Variants in ZNF487 observed in about 807,000 individuals in gnomAD.
ZNF487 encodes KRAB domain only 1.
A neutral mutation model predicts 3.0 loss-of-function variants in ZNF487; 4 were observed. The observed-to-expected ratio is 1.35, with a 90% CI of 0.66 to 3.08. The LOEUF is 3.08. ZNF487 is among the 30% of genes most tolerant of loss of function. ZNF487 has a pLI of 0.01. For synonymous variants in ZNF487, 55 were observed against 34.6 expected, an observed-to-expected ratio of 1.59 and a Z score of -2.06; for missense variants, 146 against 98.7, an observed-to-expected ratio of 1.48 and a Z score of -2.03.
At chr10:43,455,849 G>A (rs1260626103) in intron 1 of ZNF487, among the ~76,000 whole-genome samples, 1 of 152,250 alleles carries the variant, frequency 6.6e-6, no homozygotes, top group African/African-American at 2.4e-5. Flanking sequence ...ACGCCACTGC[G>A]CGCCCTAGTG....
chr10:43,498,099 AT>A, the ZNF487 span, among the ~76,000 whole-genome samples: 368 of 20,120 alleles, frequency 0.018, 4 homozygotes, highest in Admixed American at 0.023. Context: ...ATATATATAT[AT>A]TTTTTTTTTT....
At chr10:43,450,472 C>T (rs1309783408) in intron 1 of ZNF487, among the ~76,000 whole-genome samples, 4 of 152,170 alleles carry the variant, frequency 2.6e-5, no homozygotes, top group Non-Finnish European at 5.9e-5. Context: ...GCTGCCTCAG[C>T]CTCCTGAGTA....
intron 1 of ZNF487, among the ~76,000 whole-genome samples, chr10:43,446,265 C>T (rs567872619): frequency 7.7e-4 from 116 of 150,174 alleles, no homozygotes; most frequent in South Asian, 1.7e-3. Flanking sequence ...CAGGCAGAGG[C>T]GCCACCCACC....
chr10:43,517,753 C>T, the ZNF487 span, among the ~76,000 whole-genome samples: 1 of 152,160 alleles, frequency 6.6e-6, no homozygotes, highest in Non-Finnish European at 1.5e-5. Flanking sequence ...TAGGATGGAG[C>T]CACACCCGAG....
At chr10:43,475,344 C>T (rs1317542675) in intron 1 of ZNF487, among the ~76,000 whole-genome samples, 3 of 151,952 alleles carry the variant, frequency 2.0e-5, no homozygotes, top group African/African-American at 7.3e-5. Flanking sequence ...CATGGTGAGA[C>T]CTTGTCTCTA....
chr10:43,454,823 C>T (rs1181893205), intron 1 of ZNF487, among the ~76,000 whole-genome samples: 2 of 150,724 alleles, frequency 1.3e-5, no homozygotes, highest in Non-Finnish European at 2.9e-5. Context: ...CTTGATTATG[C>T]AGGGAGTGAA....
At chr10:43,492,097 C>T in the ZNF487 span, among the ~76,000 whole-genome samples, 1 of 151,656 alleles carries the variant, frequency 6.6e-6, no homozygotes. Context: ...CTGCCACATC[C>T]CGCCATGAGC....
intron 1 of ZNF487, among the ~76,000 whole-genome samples, chr10:43,465,141 G>C (rs1320279536): frequency 8.2e-6 from 1 of 122,048 alleles, no homozygotes; most frequent in Non-Finnish European, 1.7e-5. Context: ...CGGGCGGGGG[G>C]CTGACCCGCC....
chr10:43,457,038 A>C (rs889554138), intron 1 of ZNF487, among the ~76,000 whole-genome samples: 3 of 152,212 alleles, frequency 2.0e-5, no homozygotes, highest in African/African-American at 7.2e-5. Context: ...GTAGTTCAGG[A>C]AACAGTTTCC....
At chr10:43,437,631 T>C (rs927682630) in intron 1 of ZNF487, among the ~76,000 whole-genome samples, 7 of 152,146 alleles carry the variant, frequency 4.6e-5, no homozygotes, top group South Asian at 2.1e-4. Context: ...TTTTAGTTTA[T>C]TTTTTAAGGC....
At chr10:43,493,368 A>G in the ZNF487 span, among the ~76,000 whole-genome samples, 5 of 151,818 alleles carry the variant, frequency 3.3e-5, no homozygotes, top group African/African-American at 4.8e-5. Flanking sequence ...CCACTGCTTT[A>G]TTCTCTGTCT....
At chr10:43,479,554 G>T (rs185697794) in intron 3 of ZNF487, among the ~76,000 whole-genome samples, 37 of 152,232 alleles carry the variant, frequency 2.4e-4, no homozygotes, top group African/African-American at 7.9e-4. Flanking sequence ...TTTTCTTATT[G>T]AGCTGCTTGA....
intron 1 of ZNF487, among the ~76,000 whole-genome samples, chr10:43,468,438 T>C (rs1403889923): frequency 6.6e-6 from 1 of 151,576 alleles, no homozygotes; most frequent in Non-Finnish European, 1.5e-5. Context: ...CCAGCACTTT[T>C]GGAGGCTGAG....
chr10:43,476,240 G>C (rs375924119), intron 3 of ZNF487, 38 bp downstream of exon 3: 26 of 703,200 alleles, frequency 3.7e-5, no homozygotes, highest in African/African-American at 2.1e-4. Context: ...TAATCCCAGG[G>C]AGAAATTTGA....
intron 1 of ZNF487, among the ~76,000 whole-genome samples, chr10:43,441,087 CT>C (rs1033960501): frequency 3.6e-5 from 4 of 111,656 alleles, no homozygotes; most frequent in African/African-American, 1.4e-4. Context: ...CAGGGTCTCC[CT>C]GTATTGCCCA....
At chr10:43,464,817 C>T (rs928373630) in intron 1 of ZNF487, among the ~76,000 whole-genome samples, 1 of 152,222 alleles carries the variant, frequency 6.6e-6, no homozygotes, top group Admixed American at 6.5e-5. Context: ...CTTTTCCCCA[C>T]CTTTCCCCCT....
intron 1 of ZNF487, among the ~76,000 whole-genome samples, chr10:43,442,923 A>AT (rs771005195): frequency 5.9e-5 from 9 of 151,992 alleles, no homozygotes; most frequent in Non-Finnish European, 8.8e-5. Flanking sequence ...TAGCTTAGTA[A>AT]TTTTTTCAAT....
chr10:43,451,288 C>G (rs1470864124), intron 1 of ZNF487, among the ~76,000 whole-genome samples: 2 of 151,730 alleles, frequency 1.3e-5, no homozygotes, highest in African/African-American at 4.8e-5. Context: ...TCTTGTTGCC[C>G]AGTCTGGAGT....
the ZNF487 span, among the ~76,000 whole-genome samples, chr10:43,513,266 G>A: frequency 6.6e-6 from 1 of 152,216 alleles, no homozygotes; most frequent in East Asian, 1.9e-4. Context: ...GCCAGCTGAA[G>A]GCAAATTGCT....
Sources: gnomAD v4.1 joint callset for allele counts (sites outside exome capture counted in the v4.1 genomes callset) on GRCh38, gnomAD v4.1.1 for gene constraint, MANE v1.5 for transcripts, NCBI Gene and HGNC (gene_info 2026-07-23, HGNC 2026-07-21) for gene names.